The following TMEM245 variants were observed in gnomAD, a reference collection of about 807,000 sequenced individuals.
The protein encoded by TMEM245 is transmembrane protein 245.
TMEM245 carries 69 observed loss-of-function variants against 101.2 expected under a neutral mutation model. The observed-to-expected ratio is 0.68, with a 90% confidence interval of 0.56 to 0.83. The LOEUF (loss-of-function observed/expected upper bound fraction) is 0.83, where lower values mean the gene tolerates loss of function less well. Ranked by LOEUF, TMEM245 falls within the 40% of genes least tolerant of loss-of-function variation. The pLI, the probability that TMEM245 is intolerant of heterozygous loss-of-function variation, is 0.00. For synonymous variants in TMEM245, 537 were observed against 449.8 expected (o/e 1.19, Z -2.45); for missense variants, 1,075 against 1,092.8 (o/e 0.98, Z 0.23).
chr9:109,050,285 G>T lies in TMEM245; in HGVS notation c.2121C>A (p.Ile707=), dbSNP rs1003422573. The change falls in exon 14 of 18, where the codon ATC becomes ATA. Residue 707 remains isoleucine (I), a splice_region_variant and synonymous_variant. Coordinates refer to ENST00000374586, the MANE Select transcript of TMEM245 (RefSeq NM_032012.4). Reference sequence around the variant, plus strand: ...AATAGCATAAACCTTATCCCTACCTGATAGCTTCTTCCACAGACTGGCCAA... The same window carrying T: ...AATAGCATAAACCTTATCCCTACCTTATAGCTTCTTCCACAGACTGGCCAA... ...NIIGQSVEEA[I]RGVFDASLKM... The T allele has an allele frequency of 6.2e-7, 1 of 1,613,884 alleles. No homozygotes were observed. The highest frequency in any genetic ancestry group is 1.7e-5 in the Admixed American group (1 of 59,980).
At chr9:109,032,373 T>C (rs1172328267) in intron 17 of TMEM245, among the ~76,000 whole-genome samples, 24 of 37,938 alleles carry the variant, frequency 6.3e-4, no homozygotes, top group African/African-American at 2.3e-3. Flanking sequence ...TCCTTTTTTT[T>C]TTTTTTTTTT....
chr9:109,115,522 C>CTTTTTT (rs752894720), intron 1 of TMEM245, among the ~76,000 whole-genome samples: 11 of 67,194 alleles, frequency 1.6e-4, no homozygotes, highest in South Asian at 6.5e-4. Flanking sequence ...TAACTGGAAT[C>CTTTTTT]TTTTTTTTTT....
chr9:109,104,066 C>A (rs944604787), intron 3 of TMEM245, among the ~76,000 whole-genome samples: 21 of 151,502 alleles, frequency 1.4e-4, no homozygotes, highest in African/African-American at 4.6e-4. Context: ...GCCCGGCCAA[C>A]AGAACGAGAC....
chr9:109,119,417 C>T lies in TMEM245; in HGVS notation c.497G>A (p.Gly166Asp). ...GPLLYGLYCL[G>D]SYLGVQVLLV... is the part of the protein sequence containing the mutation. The stretch of plus-strand genomic sequence containing the variant: ...CAGCACCTGCACGCCCAAGTAGCTG[C>T]CGAGGCAGTAGAGGCCGTACAGGAG... Residue 166 changes from glycine to aspartate, a missense_variant, in exon 1 of 18, where the codon GGC becomes GAC. By Grantham distance (94) the Gly-to-Asp change is moderately conservative (BLOSUM62 -1). Transcript: ENST00000374586. The T allele has an allele frequency of 6.5e-7, 1 of 1,526,874 alleles. No homozygotes were observed. Among genetic ancestry groups the T allele is most frequent in the Non-Finnish European group, 8.8e-7 (1 of 1,141,682 alleles). The allele number at this position is 1,526,874 out of a possible 1,614,324, so 94.6% of individuals were successfully genotyped here.
intron 12 of TMEM245, among the ~76,000 whole-genome samples, chr9:109,056,916 G>A (rs554321478): frequency 5.3e-5 from 8 of 152,194 alleles, no homozygotes; most frequent in Non-Finnish European, 7.4e-5. Context: ...AAGGGTCTTC[G>A]CACAACACAA....
chr9:109,054,014 C>A (rs1039069201), intron 12 of TMEM245, among the ~76,000 whole-genome samples: 1 of 152,168 alleles, frequency 6.6e-6, no homozygotes, highest in Non-Finnish European at 1.5e-5. Flanking sequence ...CATTTCAACA[C>A]AGCCACTGTA....
chr9:109,102,212 G>T (rs1830299128), intron 3 of TMEM245, among the ~76,000 whole-genome samples: 1 of 151,822 alleles, frequency 6.6e-6, no homozygotes, highest in South Asian at 2.1e-4. Flanking sequence ...ATTATAACCA[G>T]GAAGACAGGC....
intron 7 of TMEM245, among the ~76,000 whole-genome samples, chr9:109,083,864 T>C (rs2132533736): frequency 8.6e-6 from 1 of 116,430 alleles, no homozygotes; most frequent in African/African-American, 3.3e-5. Flanking sequence ...AAGACCAGCC[T>C]GGGCAACATA....
At chr9:109,117,942 G>A (rs145984667) in intron 1 of TMEM245, among the ~76,000 whole-genome samples, 1,540 of 152,334 alleles carry the variant, frequency 0.01, 11 homozygotes, top group Non-Finnish European at 0.013. Context: ...GCAAGATAAA[G>A]GATAAAGAGC....
rs754054228 is a variant in TMEM245, at chr9:109,038,017, C to G, written c.2224G>C (p.Ala742Pro). 6.2e-7 allele frequency: 1 copy of G among 1,605,988 alleles called. No individual in the cohort carries two copies. The highest frequency in any genetic ancestry group is 8.5e-7 in the Non-Finnish European group (1 of 1,175,492). The change falls in exon 15 of 18, where the codon GCA becomes CCA. Residue 742 changes from alanine to proline, a missense_variant and splice_region_variant. Ala to Pro is a conservative substitution (Grantham distance 27, BLOSUM62 -1). Transcript: ENST00000374586. ...GTGGAAGGTACAATATGGTTGTTACCTGATGGTATGAAGACAATATTGATG... is the reference window on the plus strand; with the variant it reads ...GTGGAAGGTACAATATGGTTGTTACGTGATGGTATGAAGACAATATTGATG... Reference protein sequence around the residue: ...FGINIVFIPSALAAILGAVPF... With the variant: ...FGINIVFIPSPLAAILGAVPF...
At chr9:109,107,113 C>T (rs1202153220) in intron 2 of TMEM245, among the ~76,000 whole-genome samples, 9 of 151,910 alleles carry the variant, frequency 5.9e-5, no homozygotes, top group Admixed American at 5.3e-4. Flanking sequence ...GTTGGCTGGG[C>T]GCAGTGGCTC....
chr9:109,083,492 G>A (rs10979683), intron 7 of TMEM245, among the ~76,000 whole-genome samples: 8,836 of 152,118 alleles, frequency 0.058, 431 homozygotes, highest in East Asian at 0.17. Context: ...TTCAAAAAAA[G>A]AGAAGTAATT....
At chr9:109,049,061 G>A (rs1306872592) in intron 14 of TMEM245, among the ~76,000 whole-genome samples, 1 of 152,206 alleles carries the variant, frequency 6.6e-6, no homozygotes. Context: ...AGTTGGAGAT[G>A]GGGGTGGTGG....
intron 6 of TMEM245, among the ~76,000 whole-genome samples, chr9:109,086,282 C>G (rs1299216675): frequency 6.6e-6 from 1 of 152,180 alleles, no homozygotes; most frequent in East Asian, 1.9e-4. Context: ...CATAAAATAA[C>G]CTGCATGCTC....
At chr9:109,110,820 T>G (rs1423516008) in intron 1 of TMEM245, among the ~76,000 whole-genome samples, 1 of 152,046 alleles carries the variant, frequency 6.6e-6, no homozygotes. Flanking sequence ...TGAAAAGAAA[T>G]GCAAAGTTCT....
Position 109,016,509 on chromosome 9 carries a change from G to A in TMEM245, c.*3951C>T, listed in dbSNP as rs1348447527. On this transcript the variant is annotated 3_prime_UTR_variant, in exon 18 of 18. Transcript: ENST00000374586. ...ACAAGCCACTTAAACCTATGAATTT[G>A]GGTCTTTCTCTAGAAAGTGACAGGA... The A allele has an allele frequency of 6.6e-6, 1 of 152,044 alleles. No homozygotes were observed. Among genetic ancestry groups the A allele is most frequent in the Non-Finnish European group, 1.5e-5 (1 of 68,002 alleles). 9.4% of individuals were successfully genotyped at this position (152,044 alleles called of 1,614,324 possible).
At chr9:109,075,000 G>A (rs1829454837) in intron 8 of TMEM245, among the ~76,000 whole-genome samples, 1 of 152,188 alleles carries the variant, frequency 6.6e-6, no homozygotes, top group Non-Finnish European at 1.5e-5. Flanking sequence ...TGGAAAAAGA[G>A]AGGGCTGTAA....
intron 14 of TMEM245, among the ~76,000 whole-genome samples, chr9:109,041,045 C>T (rs1237856849): frequency 2.6e-5 from 4 of 151,988 alleles, no homozygotes; most frequent in Non-Finnish European, 5.9e-5. Context: ...ACTAATAGTC[C>T]ACGGACACCA....
intron 7 of TMEM245, among the ~76,000 whole-genome samples, chr9:109,083,220 C>T (rs1453800679): frequency 6.6e-6 from 1 of 151,876 alleles, no homozygotes; most frequent in African/African-American, 2.4e-5. Context: ...GAACCAACTC[C>T]CACAAAGACT....
Sources: gnomAD v4.1 joint callset for allele counts (sites outside exome capture counted in the v4.1 genomes callset) on GRCh38, gnomAD v4.1.1 for gene constraint, MANE v1.5 for transcripts, NCBI Gene and HGNC (gene_info 2026-07-23, HGNC 2026-07-21) for gene names.